The following TRPM6 variants were observed in gnomAD, a reference collection of about 807,000 sequenced individuals.
TRPM6 encodes channel kinase 2.
Under a neutral mutation model 247.6 loss-of-function variants are expected in TRPM6, and 111 were observed. The observed-to-expected ratio is 0.45, with a 90% CI of 0.38 to 0.52. The LOEUF (loss-of-function observed/expected upper bound fraction) is 0.52, where lower values mean the gene tolerates loss of function less well. Ranked by LOEUF, TRPM6 falls within the 20% of genes least tolerant of loss-of-function variation. The pLI, the probability that TRPM6 is intolerant of heterozygous loss-of-function variation, is 0.00. For missense variants in TRPM6, 2,126 were observed against 2,421.5 expected (o/e 0.88, Z 2.56); for synonymous variants, 892 against 853.8 (o/e 1.04, Z -0.78).
In TRPM6 at chr9:74,726,450, C is replaced by T. The variant is rs537702470; in HGVS notation, c.5936-1704G>A. ...ACTTGAACCCGGGAGACGGAGGTTGCAGTGAGCCGAGATTGCCCCACTACA... is the reference window on the plus strand; with the variant it reads ...ACTTGAACCCGGGAGACGGAGGTTGTAGTGAGCCGAGATTGCCCCACTACA... On this transcript the variant is annotated intron_variant, in intron 38 of 38. Transcript: ENST00000360774. Among the ~76,000 whole-genome samples the T allele has an allele frequency of 1.8e-4, 27 of 152,260 alleles. No individual in the cohort carries two copies. In the East Asian group the frequency reaches 5.0e-3, roughly 28 times the overall value.
chr9:74,739,337 C>T, intron 35 of TRPM6, 30 bp downstream of exon 35: 4 of 1,598,730 alleles, frequency 2.5e-6, no homozygotes, highest in Non-Finnish European at 3.4e-6. Context: ...CTACTTGAAA[C>T]AAAGGGCCAA....
At position 74,744,088 on chromosome 9, in the gene TRPM6, A is replaced by C; in HGVS notation, c.5134+7T>G. The C allele has an allele frequency of 6.2e-7, 1 of 1,613,902 alleles. No individual in the cohort carries two copies. Among genetic ancestry groups the C allele is most frequent in the Non-Finnish European group, 8.5e-7 (1 of 1,179,792 alleles). On this transcript the variant is annotated splice_region_variant and intron_variant, in intron 32 of 38. Transcript: ENST00000360774. ...AGCTGACATGTCTATGTGCATATGCATCCTACCTGAATAATGATGGTGAGG... is the reference window on the plus strand; with the variant it reads ...AGCTGACATGTCTATGTGCATATGCCTCCTACCTGAATAATGATGGTGAGG...
intron 36 of TRPM6, among the ~76,000 whole-genome samples, chr9:74,735,915 G>C (rs1025300984): frequency 6.6e-6 from 1 of 152,124 alleles, no homozygotes; most frequent in Non-Finnish European, 1.5e-5. Context: ...TAAACTGCTC[G>C]AGTATTTCAC....
At chr9:74,739,344 C>T (rs1265925459) in intron 35 of TRPM6, 23 bp downstream of exon 35, 1 of 1,607,652 alleles carries the variant, frequency 6.2e-7, no homozygotes, top group Non-Finnish European at 8.5e-7. Context: ...AAACAAAGGG[C>T]CAAGGTGCCA....
chr9:74,839,924 AAAG>A, intron 5 of TRPM6, 97 bp downstream of exon 5: 2 of 404,962 alleles, frequency 4.9e-6, no homozygotes, highest in South Asian at 6.7e-5. Context: ...GAGGGAAAGA[AAAG>A]AAAAGAAAGA....
chr9:74,883,544 G>C (rs1235040104), intron 1 of TRPM6, among the ~76,000 whole-genome samples: 2 of 152,164 alleles, frequency 1.3e-5, no homozygotes, highest in Non-Finnish European at 2.9e-5. Context: ...ATTTGTGACT[G>C]ATTGTGAAGA....
chr9:74,793,330 A>T (rs1827973018), intron 18 of TRPM6, among the ~76,000 whole-genome samples: 1 of 152,304 alleles, frequency 6.6e-6, no homozygotes, highest in East Asian at 1.9e-4. Flanking sequence ...CCAAGGATTT[A>T]AAAATTGGTC....
chr9:74,826,971 C>T (rs1440239090), intron 7 of TRPM6: 1 of 152,330 alleles, frequency 6.6e-6, no homozygotes, highest in East Asian at 1.9e-4. Context: ...CTCCTGACTT[C>T]AGGTGATCCA....
At position 74,723,124 on chromosome 9, in the gene TRPM6, C is replaced by T. The variant is rs1057515629; in HGVS notation, c.*1489G>A. ...AGGTAGGGCAACCAGGCCCAGCATA[C>T]AAGAGGGATGACTGATCCCTCAAAT... On this transcript the variant is annotated 3_prime_UTR_variant, in exon 39 of 39. Transcript: ENST00000360774. The T allele has an allele frequency of 6.6e-6, 1 of 152,120 alleles. No individual in the cohort carries two copies. The highest frequency in any genetic ancestry group is 1.5e-5 in the Non-Finnish European group (1 of 68,034). 9.4% of individuals were successfully genotyped at this position (152,120 alleles called of 1,614,324 possible). A position where few individuals can be genotyped will look rare whatever the true frequency, so the allele number is the denominator to read the frequency against.
intron 1 of TRPM6, among the ~76,000 whole-genome samples, chr9:74,886,316 A>G (rs890535414): frequency 6.6e-6 from 1 of 152,204 alleles, no homozygotes. Context: ...GTCTGGCCAA[A>G]ATAGCTAACG....
chr9:74,750,276 G>A (rs750895350), intron 30 of TRPM6, among the ~76,000 whole-genome samples: 1 of 152,130 alleles, frequency 6.6e-6, no homozygotes, highest in Non-Finnish European at 1.5e-5. Flanking sequence ...AAGAATAAAC[G>A]TAATCAGGTG....
At chr9:74,796,679 A>G (rs915143108) in intron 18 of TRPM6, 62 bp downstream of exon 18, 1 of 1,540,290 alleles carries the variant, frequency 6.5e-7, no homozygotes, top group Non-Finnish European at 9.0e-7. Context: ...AACTTTAAGG[A>G]TGTGTATATT....
chr9:74,799,567 C>T lies in TRPM6; in HGVS notation c.2238+687G>A, dbSNP rs1473442746. Among the ~76,000 whole-genome samples the T allele has an allele frequency of 2.0e-5, 3 of 148,392 alleles. No individual in the cohort carries two copies. In the East Asian group the frequency reaches 6.1e-4, roughly 30 times the overall value. On this transcript the variant is annotated intron_variant, in intron 17 of 38. Coordinates refer to ENST00000360774, the MANE Select transcript of TRPM6 (RefSeq NM_017662.5). ...ACACACATACACACACACACACACACACACATTGGGTAAGCAGAACAACAG... is the reference window on the plus strand; with the variant it reads ...ACACACATACACACACACACACACATACACATTGGGTAAGCAGAACAACAG...
At chr9:74,805,155 G>A (rs867156031) in intron 14 of TRPM6, among the ~76,000 whole-genome samples, 3 of 152,142 alleles carry the variant, frequency 2.0e-5, no homozygotes, top group African/African-American at 7.2e-5. Flanking sequence ...TAACTTTAGA[G>A]GCAAAACCAT....
chr9:74,842,372 A>G (rs1829972645), intron 3 of TRPM6, 29 bp from the exon 4 acceptor site: 3 of 1,612,306 alleles, frequency 1.9e-6, no homozygotes, highest in Non-Finnish European at 1.7e-6. Context: ...AAAAAACTCA[A>G]CTTCAAAATA....
At position 74,794,376 on chromosome 9, in the gene TRPM6, G is replaced by T. The variant is rs193253249; in HGVS notation, c.2392-1606C>A. On this transcript the variant is annotated intron_variant, in intron 18 of 38. Coordinates refer to ENST00000360774, the MANE Select transcript of TRPM6 (RefSeq NM_017662.5). ...ATTGCAGAAAAATGTGACTTTTAAG[G>T]CCTCGGGCATCTAGATGGGTTATCG... 3.7e-4 allele frequency among the ~76,000 whole-genome samples: 56 copies of T among 152,072 alleles called. 1 individual carries two copies. The highest frequency in any genetic ancestry group is 3.3e-3 in the Admixed American group (51 of 15,278).
rs371735383 is a variant in TRPM6 at position 74,762,963 on chromosome 9, A to T, written c.3708T>A (p.Ala1236=). The change falls in exon 26 of 39, where the codon GCT becomes GCA. Residue 1236 remains alanine (A), a synonymous_variant. Transcript: ENST00000360774. ...SAVDTLQEDE[A]LLAKRKHSTC... is the part of the protein sequence containing the mutation. ...TAGAATGCTTTCTCTTGGCCAGGAG[A>T]GCCTCATCCTCTTGCAAAGTGTCAA... 1 of 1,608,482 alleles carries T rather than the reference A, an allele frequency of 6.2e-7. No individual in the cohort carries two copies. Among genetic ancestry groups the T allele is most frequent in the Non-Finnish European group, 8.5e-7 (1 of 1,176,082 alleles).
At chr9:74,773,166 T>A (rs1280258189) in intron 24 of TRPM6, among the ~76,000 whole-genome samples, 1 of 152,082 alleles carries the variant, frequency 6.6e-6, no homozygotes, top group Non-Finnish European at 1.5e-5. Flanking sequence ...ACCCTACCAA[T>A]CTATTGAACA....
chr9:74,873,443 C>G (rs1831090312), intron 1 of TRPM6, among the ~76,000 whole-genome samples: 1 of 152,204 alleles, frequency 6.6e-6, no homozygotes, highest in Non-Finnish European at 1.5e-5. Context: ...ATGTGCTTTC[C>G]TGGGCAGCAC....
Sources: gnomAD v4.1 joint callset for allele counts (sites outside exome capture counted in the v4.1 genomes callset) on GRCh38, gnomAD v4.1.1 for gene constraint, MANE v1.5 for transcripts, NCBI Gene and HGNC (gene_info 2026-07-23, HGNC 2026-07-21) for gene names.